Variants in TGDS observed in about 807,000 individuals in gnomAD.
The protein encoded by TGDS is TDP-glucose 4,6-dehydratase, also known as UDP-D-glucose 4,6-dehydratase.
In TGDS, 47 loss-of-function variants were observed where a neutral mutation model predicts 52.3. That is an observed-to-expected ratio of 0.90 (90% CI 0.71 to 1.15). TGDS has a LOEUF of 1.15. Among genes scored for constraint, TGDS ranks in the 50% most tolerant of loss-of-function variants. TGDS has a pLI of 0.00. For missense variants in TGDS, 375 were observed against 418.4 expected, an observed-to-expected ratio of 0.90 and a Z score of 0.90; for synonymous variants, 115 against 136.9, an observed-to-expected ratio of 0.84 and a Z score of 1.12.
rs77693466 is a variant in TGDS at position 94,592,108 on chromosome 13, T to C, written c.222+133A>G. On this transcript the variant is annotated intron_variant, in intron 3 of 11. Coordinates refer to ENST00000261296, the MANE Select transcript of TGDS (RefSeq NM_014305.4). ...GCACATGGTACTTTTGGAAATTAAC[T>C]ACCTGATCTTTTAAAAGGTCTTTAA... The C allele has an allele frequency of 8.4e-3, 4,873 of 582,148 alleles. 39 individuals are homozygous for C. Among genetic ancestry groups the C allele is most frequent in the Non-Finnish European group, 0.012 (4,176 of 351,168 alleles). 36.1% of individuals were successfully genotyped at this position (582,148 alleles called of 1,614,324 possible). A position where few individuals can be genotyped will look rare whatever the true frequency, so the allele number is the denominator to read the frequency against.
At chr13:94,593,782 T>C (rs532473847) in intron 2 of TGDS, 59 bp downstream of exon 2, 2 of 1,231,948 alleles carry the variant, frequency 1.6e-6, no homozygotes, top group East Asian at 2.3e-5. Context: ...CTAGTACTTT[T>C]AGAAAACATA....
intron 5 of TGDS, among the ~76,000 whole-genome samples, chr13:94,582,769 C>T (rs2139524399): frequency 6.6e-6 from 1 of 152,296 alleles, no homozygotes; most frequent in East Asian, 1.9e-4. Context: ...GCCTCCCAGC[C>T]TACATCTTTC....
chr13:94,583,318 G>A, intron 4 of TGDS, 82 bp from the exon 5 acceptor site: 1 of 1,420,706 alleles, frequency 7.0e-7, no homozygotes, highest in Non-Finnish European at 9.5e-7. Flanking sequence ...GGTTTAAGGA[G>A]AGTACTAGTC....
rs758048181 is a variant in TGDS, at chr13:94,578,165, A to T, written c.665T>A (p.Ile222Asn). 6.2e-7 allele frequency: 1 copy of T among 1,613,558 alleles called. No individual in the cohort carries two copies. Among genetic ancestry groups the T allele is most frequent in the Non-Finnish European group, 8.5e-7 (1 of 1,179,724 alleles). Residue 222 changes from isoleucine (I) to asparagine (N), a missense_variant, in exon 9 of 12, where the codon ATT becomes AAT. Transcript: ENST00000261296. ...SLLQHNRKCC[I>N]HGSGLQTRNF... ...TCTTGTTTGAAGCCCTGACCCATGA[A>T]TGCAACTAAAGAGATTAAACGAAGT...
chr13:94,596,220 C>A, upstream of TGDS: 1 of 1,443,352 alleles, frequency 6.9e-7, no homozygotes, highest in Non-Finnish European at 9.4e-7. Context: ...TTGCGACGCG[C>A]CTCGCTCGCG....
At chr13:94,591,435 A>T (rs1309763632) in intron 3 of TGDS, among the ~76,000 whole-genome samples, 2 of 152,146 alleles carry the variant, frequency 1.3e-5, no homozygotes, top group Non-Finnish European at 2.9e-5. Flanking sequence ...TCTACTAAAA[A>T]TATGAAAATT....
Position 94,592,309 on chromosome 13 carries a change from G to A in TGDS, c.154C>T (p.Leu52=). The A allele has an allele frequency of 1.9e-6, 3 of 1,599,260 alleles. No homozygotes were observed. Among genetic ancestry groups the A allele is most frequent in the Non-Finnish European group, 2.6e-6 (3 of 1,176,196 alleles). Reference sequence around the variant, plus strand: ...TTCTTCAAGCTTGCACAGTAATCCAGCTTGAAAGAAGAGAGCACAGAAGGG... The same window carrying A: ...TTCTTCAAGCTTGCACAGTAATCCAACTTGAAAGAAGAGAGCACAGAAGGG... The part of the protein sequence containing the change: ...PNYMIINLDK[L]DYCASLKNLE... The change falls in exon 3 of 12, where the codon CTG becomes TTG. Residue 52 remains leucine (L), a splice_region_variant and synonymous_variant. Coordinates refer to ENST00000261296, the MANE Select transcript of TGDS (RefSeq NM_014305.4).
In TGDS at chr13:94,579,964, T is replaced by C. The variant is rs1470810270; in HGVS notation, c.556-11A>G. 1 of 1,568,254 alleles carries C rather than the reference T, an allele frequency of 6.4e-7. No individual in the cohort carries two copies. The highest frequency in any genetic ancestry group is 8.7e-7 in the Non-Finnish European group (1 of 1,143,386). ...GATGACAACTGGAAACTTAAAAGAA[T>C]ATCCAACATTAAGGCTTTTAAAAAG... On this transcript the variant is annotated splice_polypyrimidine_tract_variant and intron_variant, in intron 6 of 11. Transcript: ENST00000261296.
Position 94,592,886 on chromosome 13 carries a change from G to A in TGDS, c.154-577C>T, listed in dbSNP as rs530144780. On this transcript the variant is annotated intron_variant, in intron 2 of 11. Coordinates refer to ENST00000261296, the MANE Select transcript of TGDS (RefSeq NM_014305.4). ...TAAAAAATGTTCCTAGCTGGGGGTGGTGGCTCATGCCTGTAATCCCAGCAC... is the reference window on the plus strand; with the variant it reads ...TAAAAAATGTTCCTAGCTGGGGGTGATGGCTCATGCCTGTAATCCCAGCAC... Among the ~76,000 whole-genome samples, 6 of 152,274 alleles carry A rather than the reference G, an allele frequency of 3.9e-5. No homozygotes were observed. The East Asian group carries it at 1.2e-3, about 29-fold the overall frequency.
chr13:94,591,019 T>A, intron 3 of TGDS, 76 bp from the exon 4 acceptor site: 1 of 915,604 alleles, frequency 1.1e-6, no homozygotes, highest in Non-Finnish European at 1.7e-6. Context: ...TACTATAGCA[T>A]CCCCCTACCT....
intron 4 of TGDS, among the ~76,000 whole-genome samples, chr13:94,587,505 C>A (rs1889032830): frequency 6.6e-6 from 1 of 151,038 alleles, no homozygotes; most frequent in Non-Finnish European, 1.5e-5. Flanking sequence ...AGCCGAGAAA[C>A]AAAAGCATAC....
chr13:94,580,072 G>A, intron 6 of TGDS, 119 bp from the exon 7 acceptor site: 1 of 583,814 alleles, frequency 1.7e-6, no homozygotes, highest in Non-Finnish European at 3.0e-6. Flanking sequence ...CACACCTTAA[G>A]GTCAAAGGGA....
intron 4 of TGDS, among the ~76,000 whole-genome samples, chr13:94,587,371 T>C (rs973050009): frequency 2.6e-5 from 4 of 152,306 alleles, no homozygotes; most frequent in Admixed American, 6.5e-5. Flanking sequence ...TGTCAAATGT[T>C]GTTTTTTGGA....
chr13:94,578,813 A>C (rs1487442681), intron 7 of TGDS, 40 bp from the exon 8 acceptor site: 1 of 1,293,268 alleles, frequency 7.7e-7, no homozygotes, highest in South Asian at 1.2e-5. Context: ...CTGGATATTT[A>C]CTCATTAGTA....
intron 4 of TGDS, among the ~76,000 whole-genome samples, chr13:94,586,557 C>T (rs918857562): frequency 6.6e-6 from 1 of 152,146 alleles, no homozygotes; most frequent in Non-Finnish European, 1.5e-5. Context: ...TTTCAATACA[C>T]ACACGATTTA....
chr13:94,576,459 C>T (rs759860394), intron 10 of TGDS, 48 bp from the exon 11 acceptor site: 1 of 1,297,304 alleles, frequency 7.7e-7, no homozygotes. Context: ...TATATATTTA[C>T]AAATTTAGAT....
Position 94,581,191 on chromosome 13 carries a change from T to C in TGDS, c.457-2A>G. 1 of 1,548,632 alleles carries C rather than the reference T, an allele frequency of 6.5e-7. No individual in the cohort carries two copies. Among genetic ancestry groups the C allele is most frequent in the Non-Finnish European group, 8.8e-7 (1 of 1,141,268 alleles). On this transcript the variant is annotated splice_acceptor_variant, in intron 5 of 11. Coordinates refer to ENST00000261296, the MANE Select transcript of TGDS (RefSeq NM_014305.4). LOFTEE classifies it high-confidence loss of function. ...TTTGGGTGAAGATTCATCAAATTCC[T>C]ATTTTTAAAAATATATATTTAAAAA...
intron 4 of TGDS, among the ~76,000 whole-genome samples, chr13:94,583,803 C>A (rs1488324686): frequency 2.0e-5 from 3 of 151,982 alleles, no homozygotes; most frequent in Non-Finnish European, 2.9e-5. Flanking sequence ...CTGGGAAAAA[C>A]CATGTGAAAT....
intron 11 of TGDS, among the ~76,000 whole-genome samples, chr13:94,575,819 T>A (rs1417445557): frequency 6.6e-6 from 1 of 152,148 alleles, no homozygotes; most frequent in South Asian, 2.1e-4. Context: ...AGACTTTATA[T>A]GCACTTATTT....
Sources: allele counts gnomAD v4.1 joint callset (sites outside exome capture counted in the v4.1 genomes callset), GRCh38; gene constraint gnomAD v4.1.1; transcripts MANE v1.5; gene names NCBI Gene and HGNC (gene_info 2026-07-23, HGNC 2026-07-21).